The following ZNF503 variants were observed in gnomAD, a reference collection of about 807,000 sequenced individuals.
The protein encoded by ZNF503 is NocA-like zinc finger 2.
A neutral mutation model predicts 34.4 loss-of-function variants in ZNF503; 15 were observed. The ratio of observed to expected loss-of-function variants is 0.44; its 90% CI spans 0.29 to 0.67. The LOEUF (loss-of-function observed/expected upper bound fraction) is 0.67. Ranked by LOEUF, ZNF503 falls within the 30% of genes least tolerant of loss-of-function variation. ZNF503 has a pLI of 0.13. For missense variants in ZNF503, 1,007 were observed against 926.8 expected, an observed-to-expected ratio of 1.09 and a Z score of -1.12; for synonymous variants, 580 against 456.8, an observed-to-expected ratio of 1.27 and a Z score of -3.44.
At chr10:75,281,007 G>C in the ZNF503 span, among the ~76,000 whole-genome samples, 1 of 152,170 alleles carries the variant, frequency 6.6e-6, no homozygotes, top group Non-Finnish European at 1.5e-5. Context: ...GAGCCAGCTG[G>C]AGGAGAGGAG....
At chr10:75,381,805 CTTTTTTTTTTTTTTTTTTTT>C in the ZNF503 span, among the ~76,000 whole-genome samples, 3 of 38,652 alleles carry the variant, frequency 7.8e-5, no homozygotes, top group East Asian at 8.8e-4. Context: ...GAACCTAATT[CTTTTTTTTTTTTTTTTTTTT>C]TTTTTTTTTT....
At chr10:75,323,200 T>G in the ZNF503 span, among the ~76,000 whole-genome samples, 1 of 152,222 alleles carries the variant, frequency 6.6e-6, no homozygotes, top group African/African-American at 2.4e-5. Flanking sequence ...AATCGATAGT[T>G]TGTTCCTTTT....
At chr10:75,367,581 T>C in the ZNF503 span, among the ~76,000 whole-genome samples, 3 of 152,290 alleles carry the variant, frequency 2.0e-5, no homozygotes, top group Admixed American at 2.0e-4. Context: ...AAGAAAAATG[T>C]TACTGTCCAA....
At chr10:75,378,687 C>G in the ZNF503 span, among the ~76,000 whole-genome samples, 2 of 152,080 alleles carry the variant, frequency 1.3e-5, no homozygotes, top group Non-Finnish European at 1.5e-5. Context: ...CATCCTAGGT[C>G]AGCCTCGTGA....
chr10:75,359,760 C>T, the ZNF503 span, among the ~76,000 whole-genome samples: 2 of 152,150 alleles, frequency 1.3e-5, no homozygotes, highest in African/African-American at 2.4e-5. Flanking sequence ...CCAGTGAAAG[C>T]TATTGCTGCA....
At chr10:75,329,805 G>C in the ZNF503 span, among the ~76,000 whole-genome samples, 1 of 152,124 alleles carries the variant, frequency 6.6e-6, no homozygotes, top group Non-Finnish European at 1.5e-5. Context: ...GATCATATCT[G>C]CAAACAGGGA....
At chr10:75,280,555 C>CGTGTGTGTGTGTGTGT in the ZNF503 span, among the ~76,000 whole-genome samples, 3 of 146,516 alleles carry the variant, frequency 2.0e-5, no homozygotes, top group South Asian at 2.2e-4. Context: ...GGTGTGTATG[C>CGTGTGTGTGTGTGTGT]GTGTGTGTGT....
At chr10:75,314,236 C>CAAAAA in the ZNF503 span, among the ~76,000 whole-genome samples, 60 of 89,766 alleles carry the variant, frequency 6.7e-4, no homozygotes, top group Admixed American at 9.1e-4. Context: ...GACTCCGTCT[C>CAAAAA]AAAAAAAAAA....
the ZNF503 span, among the ~76,000 whole-genome samples, chr10:75,283,027 A>G: frequency 6.6e-6 from 1 of 152,234 alleles, no homozygotes. Context: ...GTTTTAAATT[A>G]AGTGTCAAAT....
At chr10:75,336,823 A>C in the ZNF503 span, among the ~76,000 whole-genome samples, 2 of 152,302 alleles carry the variant, frequency 1.3e-5, no homozygotes, top group East Asian at 1.9e-4. Context: ...TGTCACTCTC[A>C]GCCTATTGAG....
chr10:75,399,849 G>T lies in ZNF503; in HGVS notation c.841C>A (p.His281Asn). The change falls in exon 2 of 2, where the codon CAC becomes AAC. Residue 281 changes from histidine (H) to asparagine (N), a missense_variant. By Grantham distance (68) the His-to-Asn change is moderately conservative. Coordinates refer to ENST00000372524, the MANE Select transcript of ZNF503 (RefSeq NM_032772.6). ...SAEGGPTGLA[H>N]GRISCGGGIN... is the part of the protein sequence containing the mutation. ...CCGCCGCCGCAGCTAATCCGGCCGT[G>T]TGCCAGCCCCGTGGGTCCCCCTTCG... 2 of 1,604,030 alleles carry T rather than the reference G, an allele frequency of 1.2e-6. No individual in the cohort carries two copies. Among genetic ancestry groups the T allele is most frequent in the South Asian group, 2.2e-5 (2 of 89,978 alleles).
the ZNF503 span, among the ~76,000 whole-genome samples, chr10:75,290,839 T>C: frequency 1.3e-5 from 2 of 152,222 alleles, no homozygotes; most frequent in Non-Finnish European, 2.9e-5. Flanking sequence ...ATTCCTTCTA[T>C]AGCATTTGTG....
At chr10:75,359,829 G>T in the ZNF503 span, among the ~76,000 whole-genome samples, 1 of 152,190 alleles carries the variant, frequency 6.6e-6, no homozygotes, top group African/African-American at 2.4e-5. Context: ...TAAGCCTGGA[G>T]CTGCTAGTAA....
the ZNF503 span, among the ~76,000 whole-genome samples, chr10:75,362,902 C>A: frequency 5.3e-5 from 8 of 152,168 alleles, no homozygotes; most frequent in African/African-American, 1.9e-4. Flanking sequence ...GGAATGAAAT[C>A]TCAGTTCCCC....
chr10:75,307,561 T>A, the ZNF503 span, among the ~76,000 whole-genome samples: 1 of 152,246 alleles, frequency 6.6e-6, no homozygotes, highest in African/African-American at 2.4e-5. Flanking sequence ...CTAAGACAAT[T>A]GGTGAAAGTG....
intron 1 of ZNF503, 35 bp from the exon 2 acceptor site, chr10:75,400,409 C>CA (rs765655222): frequency 6.4e-7 from 1 of 1,572,254 alleles, no homozygotes. Context: ...GAGCGTCACA[C>CA]AGAGAAAGAA....
chr10:75,310,462 A>G, the ZNF503 span, among the ~76,000 whole-genome samples: 101 of 152,366 alleles, frequency 6.6e-4, no homozygotes, highest in Admixed American at 1.8e-3. Context: ...TAGCCTAGCA[A>G]GATAGGAAAC....
chr10:75,289,026 G>GTAGA, the ZNF503 span, among the ~76,000 whole-genome samples: 1 of 152,138 alleles, frequency 6.6e-6, no homozygotes, highest in Non-Finnish European at 1.5e-5. Flanking sequence ...GGCTGGAGGT[G>GTAGA]TAGACAGACT....
the ZNF503 span, among the ~76,000 whole-genome samples, chr10:75,320,353 T>C: frequency 6.6e-6 from 1 of 152,046 alleles, no homozygotes; most frequent in African/African-American, 2.4e-5. Context: ...TGGTGGATTG[T>C]GCCTGTAATT....
Sources: allele counts gnomAD v4.1 joint callset (sites outside exome capture counted in the v4.1 genomes callset), GRCh38; gene constraint gnomAD v4.1.1; transcripts MANE v1.5; gene names NCBI Gene and HGNC (gene_info 2026-07-23, HGNC 2026-07-21).